The following C7orf78 variants were observed in gnomAD, a reference collection of about 807,000 sequenced individuals.
C7orf78 encodes the protein chromosome 7 open reading frame 78.
chr7:12,507,194 C>T, the C7orf78 span: 110 of 200,070 alleles, frequency 5.5e-4, no homozygotes, highest in Admixed American at 1.1e-3. Flanking sequence ...GTAGTCCCAG[C>T]TACTTGGGAG....
At chr7:12,483,586 C>A in the C7orf78 span, 1 of 151,958 alleles carries the variant, frequency 6.6e-6, no homozygotes, top group Non-Finnish European at 1.5e-5. Context: ...GAGAATATCT[C>A]AGGCCAGGTG....
the C7orf78 span, chr7:12,525,739 A>G: frequency 1.8e-5 from 7 of 391,976 alleles, no homozygotes; most frequent in Non-Finnish European, 3.2e-5. Context: ...GAAATATTTA[A>G]TATTAGGAAA....
the C7orf78 span, among the ~76,000 whole-genome samples, chr7:12,518,895 G>A: frequency 6.6e-6 from 1 of 152,094 alleles, no homozygotes; most frequent in East Asian, 1.9e-4. Context: ...GCTCTGGGAA[G>A]TGAATATTTA....
the C7orf78 span, among the ~76,000 whole-genome samples, chr7:12,524,790 C>A: frequency 1.3e-5 from 2 of 151,714 alleles, no homozygotes; most frequent in South Asian, 2.1e-4. Context: ...TTGCAGTGAG[C>A]CGAGATCTCA....
chr7:12,489,808 C>A, the C7orf78 span, among the ~76,000 whole-genome samples: 33,891 of 151,816 alleles, frequency 0.22, 4,713 homozygotes, highest in East Asian at 0.51. Flanking sequence ...GCATTTTGGA[C>A]AGCAGTGATG....
the C7orf78 span, among the ~76,000 whole-genome samples, chr7:12,509,228 G>A: frequency 6.7e-6 from 1 of 149,554 alleles, no homozygotes; most frequent in South Asian, 2.2e-4. Context: ...ATGAATGTGG[G>A]AAAATGACTT....
the C7orf78 span, among the ~76,000 whole-genome samples, chr7:12,516,559 C>G: frequency 6.6e-6 from 1 of 152,182 alleles, no homozygotes; most frequent in Non-Finnish European, 1.5e-5. Flanking sequence ...GGTAGATCCA[C>G]TGACAGCTTG....
At chr7:12,499,530 C>G in the C7orf78 span, among the ~76,000 whole-genome samples, 3 of 148,718 alleles carry the variant, frequency 2.0e-5, no homozygotes, top group South Asian at 6.5e-4. Context: ...GAAGAGCTAA[C>G]TATCCTAAAT....
At chr7:12,521,452 T>C in the C7orf78 span, among the ~76,000 whole-genome samples, 1 of 152,022 alleles carries the variant, frequency 6.6e-6, no homozygotes, top group African/African-American at 2.4e-5. Flanking sequence ...TTATATGACC[T>C]TCTTTCATAA....
chr7:12,521,624 G>A, the C7orf78 span, among the ~76,000 whole-genome samples: 43 of 140,370 alleles, frequency 3.1e-4, 1 homozygote, highest in African/African-American at 8.5e-4. Context: ...CACCTAAATC[G>A]TTGCTATGTT....
At chr7:12,505,622 A>T in the C7orf78 span, among the ~76,000 whole-genome samples, 3 of 152,182 alleles carry the variant, frequency 2.0e-5, no homozygotes, top group Non-Finnish European at 4.4e-5. Context: ...CATCTTGGAC[A>T]ACCTATAGGT....
the C7orf78 span, among the ~76,000 whole-genome samples, chr7:12,537,256 A>G: frequency 6.6e-6 from 1 of 152,226 alleles, no homozygotes; most frequent in South Asian, 2.1e-4. Context: ...CACATCTCAC[A>G]TGGCAGCAGA....
the C7orf78 span, among the ~76,000 whole-genome samples, chr7:12,540,631 G>A: frequency 6.6e-6 from 1 of 152,176 alleles, no homozygotes. Flanking sequence ...TCAGTTGCAT[G>A]TGCATGCTTT....
the C7orf78 span, among the ~76,000 whole-genome samples, chr7:12,495,892 C>A: frequency 6.6e-6 from 1 of 152,046 alleles, no homozygotes; most frequent in South Asian, 2.1e-4. Flanking sequence ...CAACTTGTTG[C>A]GTTCCCAAAT....
the C7orf78 span, among the ~76,000 whole-genome samples, chr7:12,523,620 G>A: frequency 6.6e-6 from 1 of 152,064 alleles, no homozygotes; most frequent in African/African-American, 2.4e-5. Flanking sequence ...GAACAGAGAG[G>A]TAAGAACCTG....
chr7:12,499,557 C>G, the C7orf78 span, among the ~76,000 whole-genome samples: 5 of 149,156 alleles, frequency 3.4e-5, no homozygotes, highest in African/African-American at 9.8e-5. Flanking sequence ...GCACCCAATA[C>G]AGGAGCACCC....
At chr7:12,539,838 G>A in the C7orf78 span, among the ~76,000 whole-genome samples, 1 of 152,194 alleles carries the variant, frequency 6.6e-6, no homozygotes, top group Non-Finnish European at 1.5e-5. Context: ...CAGGAACTAG[G>A]GAGAGGCAAG....
At chr7:12,532,987 A>G in the C7orf78 span, among the ~76,000 whole-genome samples, 15 of 152,268 alleles carry the variant, frequency 9.9e-5, no homozygotes, top group African/African-American at 3.6e-4. Context: ...CCTACTAATG[A>G]TTTAGGATGT....
At chr7:12,532,106 C>T in the C7orf78 span, among the ~76,000 whole-genome samples, 1 of 152,144 alleles carries the variant, frequency 6.6e-6, no homozygotes, top group African/African-American at 2.4e-5. Context: ...GAAGATGGAG[C>T]CGCCATTTTG....
Sources: allele counts gnomAD v4.1 joint callset (sites outside exome capture counted in the v4.1 genomes callset), GRCh38; gene constraint gnomAD v4.1.1; transcripts MANE v1.5; gene names NCBI Gene and HGNC (gene_info 2026-07-23, HGNC 2026-07-21).